The following BUB1 variants were observed in gnomAD, a reference collection of about 807,000 sequenced individuals.
The protein encoded by BUB1 is BUB1 mitotic checkpoint serine/threonine kinase, also known as mitotic checkpoint serine/threonine-protein kinase BUB1.
BUB1 carries 84 observed loss-of-function variants against 135.2 expected under a neutral mutation model. The ratio of observed to expected loss-of-function variants is 0.62; its 90% CI spans 0.52 to 0.74. BUB1 has a LOEUF of 0.74. Among genes scored for constraint, BUB1 ranks in the 30% least tolerant of loss-of-function variants. The pLI is 0.00. For missense variants in BUB1, 1,162 were observed against 1,288.3 expected (o/e 0.90, Z 1.50); for synonymous variants, 403 against 434.4 (o/e 0.93, Z 0.90).
At chr2:110,640,982 G>C in intron 23 of BUB1, 52 bp downstream of exon 23, 1 of 1,483,216 alleles carries the variant, frequency 6.7e-7, no homozygotes, top group East Asian at 2.4e-5. Flanking sequence ...TTGAAAATCT[G>C]ATAAGCGCAA....
intron 3 of BUB1, 151 bp from the exon 4 acceptor site, chr2:110,673,008 T>C (rs1395644011): frequency 5.7e-6 from 4 of 706,382 alleles, no homozygotes; most frequent in Non-Finnish European, 6.5e-6. Context: ...AGGGTTGGAC[T>C]TTTCAGCCCC....
At chr2:110,666,042 G>T (rs1690242953) in intron 9 of BUB1, 1 of 394,304 alleles carries the variant, frequency 2.5e-6, no homozygotes. Flanking sequence ...ATATAGACAT[G>T]TACACATACA....
At position 110,670,632 on chromosome 2, in the gene BUB1, GA is replaced by G. The variant is rs1240324695; in HGVS notation, c.423-65del. On this transcript the variant is annotated intron_variant, in intron 4 of 24. Coordinates refer to ENST00000302759, the MANE Select transcript of BUB1 (RefSeq NM_004336.5). ...ACTTACAGTACATAGCTGTTAGAGT[GA>G]AAACTAAATACCATAGACAACTTAT... 9.4e-5 allele frequency: 142 copies of G among 1,513,552 alleles called. No individual in the cohort carries two copies. The Middle Eastern group carries it at 1.0e-3, about 11-fold the overall frequency. 93.8% of individuals were successfully genotyped at this position (1,513,552 alleles called of 1,614,324 possible).
Position 110,666,373 on chromosome 2 carries a change from C to T in BUB1, c.847G>A (p.Ala283Thr), listed in dbSNP as rs767776791. ...RHYMKRKEAN[A>T]FEEQLLKQKM... is the part of the protein sequence containing the mutation. ...TGTTTTAATAGCTGTTCTTCAAAAG[C>T]ATTTGCTTCTTTCCTTTTCATATAA... The change falls in exon 9 of 25, where the codon GCT becomes ACT. Residue 283 changes from alanine (A) to threonine (T), a missense_variant. Ala to Thr is a moderately conservative substitution (Grantham distance 58, BLOSUM62 0). Transcript: ENST00000302759. 6.6e-6 allele frequency: 10 copies of T among 1,525,378 alleles called. No individual in the cohort carries two copies. The African/African-American group carries it at 9.8e-5, about 15-fold the overall frequency. 94.5% of individuals were successfully genotyped at this position (1,525,378 alleles called of 1,614,324 possible).
chr2:110,642,367 C>A (rs550168349), intron 19 of BUB1, 133 bp from the exon 20 acceptor site: 3 of 532,022 alleles, frequency 5.6e-6, no homozygotes, highest in Non-Finnish European at 1.0e-5. Flanking sequence ...TTAACTCTTA[C>A]ATAACCATGG....
In BUB1 at chr2:110,657,617, T is replaced by C. The variant is rs1161187780; in HGVS notation, c.1545A>G (p.Gly515=). 1.2e-6 allele frequency: 2 copies of C among 1,601,048 alleles called. No homozygotes were observed. The highest frequency in any genetic ancestry group is 2.3e-5 in the South Asian group (2 of 88,832). ...QKNVRSSGAW[G]VNKIISSLSS... is the part of the protein sequence containing the mutation. The stretch of plus-strand genomic sequence containing the variant: ...ACAAAGAAGAGATGATCTTATTGAC[T>C]CCCCAAGCCCCAGATGACCTTACAT... The change falls in exon 14 of 25, where the codon GGA becomes GGG. Residue 515 remains glycine (G), a synonymous_variant. Coordinates refer to ENST00000302759, the MANE Select transcript of BUB1 (RefSeq NM_004336.5).
chr2:110,639,199 G>C (rs533635109), intron 24 of BUB1, among the ~76,000 whole-genome samples: 3 of 151,980 alleles, frequency 2.0e-5, no homozygotes, highest in Non-Finnish European at 4.4e-5. Flanking sequence ...AAGAGCTCTT[G>C]CCTAATCATG....
At chr2:110,657,695 T>A (rs565536078) in intron 13 of BUB1, 50 bp from the exon 14 acceptor site, 2 of 1,303,024 alleles carry the variant, frequency 1.5e-6, no homozygotes, top group African/African-American at 3.0e-5. Flanking sequence ...GGAAAAAACA[T>A]CCTTTATATT....
chr2:110,676,332 T>C (rs962238718), intron 1 of BUB1, among the ~76,000 whole-genome samples: 2 of 152,068 alleles, frequency 1.3e-5, no homozygotes, highest in African/African-American at 2.4e-5. Flanking sequence ...TTGGCAAAAC[T>C]AAAAAACATG....
At chr2:110,676,067 A>C (rs1268364260) in intron 1 of BUB1, among the ~76,000 whole-genome samples, 2 of 152,204 alleles carry the variant, frequency 1.3e-5, no homozygotes, top group Non-Finnish European at 2.9e-5. Flanking sequence ...ACTATATATA[A>C]ATAAAAACTT....
At chr2:110,667,901 C>A in intron 6 of BUB1, 52 bp from the exon 7 acceptor site, 1 of 1,562,910 alleles carries the variant, frequency 6.4e-7, no homozygotes, top group Non-Finnish European at 8.7e-7. Context: ...AAGAAAGCTT[C>A]ACCCAAATTA....
At position 110,666,326 on chromosome 2, in the gene BUB1, C is replaced by T; in HGVS notation, c.894G>A (p.Lys298=). The T allele has an allele frequency of 6.5e-7, 1 of 1,535,570 alleles. No individual in the cohort carries two copies. Among genetic ancestry groups the T allele is most frequent in the Non-Finnish European group, 8.8e-7 (1 of 1,139,624 alleles). Residue 298 remains lysine (K), a synonymous_variant, in exon 9 of 25, where the codon AAG becomes AAA. Transcript: ENST00000302759. Reference sequence around the variant, plus strand: ...ATGTCTCCACCACCTGATGCAACTTCTTATGAAGTTCATCCATTTTCTGTT... The same window carrying T: ...ATGTCTCCACCACCTGATGCAACTTTTTATGAAGTTCATCCATTTTCTGTT... ...LLKQKMDELH[K]KLHQVVETSH...
chr2:110,641,545 A>G, intron 21 of BUB1, 81 bp from the exon 22 acceptor site: 4 of 1,555,238 alleles, frequency 2.6e-6, no homozygotes, highest in Non-Finnish European at 3.5e-6. Flanking sequence ...GCCCCTGCCC[A>G]CCACTCCACA....
intron 4 of BUB1, 87 bp downstream of exon 4, chr2:110,672,574 G>C (rs1690450991): frequency 7.2e-7 from 1 of 1,379,616 alleles, no homozygotes. Context: ...GGATTTCCCT[G>C]TACAAATTGC....
At chr2:110,649,631 T>G (rs1254670638) in intron 18 of BUB1, among the ~76,000 whole-genome samples, 1 of 152,238 alleles carries the variant, frequency 6.6e-6, no homozygotes, top group Non-Finnish European at 1.5e-5. Flanking sequence ...GAATCAACTC[T>G]AGGTGCATTT....
chr2:110,669,397 G>A (rs1690355425), intron 6 of BUB1, 56 bp downstream of exon 6: 2 of 1,209,014 alleles, frequency 1.7e-6, no homozygotes, highest in Non-Finnish European at 2.5e-6. Flanking sequence ...AGGCAGCCAG[G>A]CTGGCCATTC....
chr2:110,648,469 G>A lies in BUB1; in HGVS notation c.2347+765C>T, dbSNP rs1350211355. ...TGATTCTGTATGATACTGTAATGAT[G>A]GATACATGTCACTGTACTACATTCG... On this transcript the variant is annotated intron_variant, in intron 19 of 24. Coordinates refer to ENST00000302759, the MANE Select transcript of BUB1 (RefSeq NM_004336.5). The surrounding 1 kb of genome is among the most constrained non-coding windows in gnomAD (Gnocchi z 4.2). Among the ~76,000 whole-genome samples, 2 of 152,066 alleles carry A rather than the reference G, an allele frequency of 1.3e-5. No individual in the cohort carries two copies. The highest frequency in any genetic ancestry group is 2.9e-5 in the Non-Finnish European group (2 of 68,014).
intron 1 of BUB1, 52 bp downstream of exon 1, chr2:110,677,918 C>T (rs1445273519): frequency 1.2e-5 from 19 of 1,582,302 alleles, no homozygotes; most frequent in Non-Finnish European, 1.5e-5. Flanking sequence ...GGGCCCGAAC[C>T]CCAGGCGCCC....
At chr2:110,659,408 T>C (rs1272617857) in intron 11 of BUB1, among the ~76,000 whole-genome samples, 1 of 152,174 alleles carries the variant, frequency 6.6e-6, no homozygotes, top group Non-Finnish European at 1.5e-5. Context: ...AGATTTTTTG[T>C]TCATGACTTC....
Sources: gnomAD v4.1 joint callset for allele counts (sites outside exome capture counted in the v4.1 genomes callset) on GRCh38, gnomAD v4.1.1 for gene constraint, Gnocchi (gnomAD v3.1) non-coding constraint, MANE v1.5 for transcripts, NCBI Gene and HGNC (gene_info 2026-07-23, HGNC 2026-07-21) for gene names.